Variants in SPINT2 observed in about 807,000 individuals in gnomAD.
The protein encoded by SPINT2 is serine peptidase inhibitor, Kunitz type 2.
SPINT2 carries 18 observed loss-of-function variants against 30.1 expected under a neutral mutation model. The observed-to-expected ratio is 0.60, with a 90% confidence interval of 0.41 to 0.89. SPINT2 has a LOEUF of 0.89. Among genes scored for constraint, SPINT2 ranks in the 40% least tolerant of loss-of-function variants. SPINT2 has a pLI of 0.00. For synonymous variants in SPINT2, 139 were observed against 137.9 expected, an observed-to-expected ratio of 1.01 and a Z score of -0.05; for missense variants, 276 against 334.3, an observed-to-expected ratio of 0.83 and a Z score of 1.36.
At chr19:38,277,579 G>C (rs544965647) in intron 1 of SPINT2, among the ~76,000 whole-genome samples, 2 of 152,282 alleles carry the variant, frequency 1.3e-5, no homozygotes, top group South Asian at 4.1e-4. Context: ...CTTCTTAGAA[G>C]GTGACAGCAG....
chr19:38,278,759 G>A (rs1968547323), intron 1 of SPINT2, among the ~76,000 whole-genome samples: 1 of 152,138 alleles, frequency 6.6e-6, no homozygotes, highest in African/African-American at 2.4e-5. Flanking sequence ...CTGTGATCAT[G>A]CCACTGTACT....
intron 1 of SPINT2, among the ~76,000 whole-genome samples, chr19:38,277,244 T>C (rs901258327): frequency 6.6e-6 from 1 of 151,526 alleles, no homozygotes; most frequent in Non-Finnish European, 1.5e-5. Context: ...CTCATCTGTT[T>C]TGTTTTTTTG....
At chr19:38,288,137 G>C (rs1968664972) in intron 3 of SPINT2, among the ~76,000 whole-genome samples, 1 of 152,156 alleles carries the variant, frequency 6.6e-6, no homozygotes, top group African/African-American at 2.4e-5. Flanking sequence ...AGCTGACACA[G>C]GGGCCGGGGA....
intron 1 of SPINT2, among the ~76,000 whole-genome samples, chr19:38,275,364 G>A (rs529746636): frequency 3.3e-5 from 5 of 151,980 alleles, no homozygotes; most frequent in Admixed American, 6.6e-5. Flanking sequence ...TTGCTCTGTC[G>A]CCCAGGCTAG....
chr19:38,276,229 T>C (rs1220406623), intron 1 of SPINT2, among the ~76,000 whole-genome samples: 1 of 152,092 alleles, frequency 6.6e-6, no homozygotes, highest in African/African-American at 2.4e-5. Flanking sequence ...AGGAGTGGCT[T>C]TGGGCTTTCC....
chr19:38,278,832 C>T (rs1041732813), intron 1 of SPINT2, among the ~76,000 whole-genome samples: 11 of 152,052 alleles, frequency 7.2e-5, no homozygotes, highest in African/African-American at 2.4e-4. Context: ...TTTTGCAGAA[C>T]AGTGAATGAG....
chr19:38,275,634 G>T (rs1481245615), intron 1 of SPINT2, among the ~76,000 whole-genome samples: 1 of 152,128 alleles, frequency 6.6e-6, no homozygotes, highest in Non-Finnish European at 1.5e-5. Flanking sequence ...TGTTGCCCAG[G>T]CTGGTCTTGA....
At chr19:38,272,914 G>T (rs1260000398) in intron 1 of SPINT2, among the ~76,000 whole-genome samples, 3 of 152,102 alleles carry the variant, frequency 2.0e-5, no homozygotes, top group African/African-American at 4.8e-5. Context: ...TAGAGACGGG[G>T]TTTCACCATG....
intron 1 of SPINT2, among the ~76,000 whole-genome samples, chr19:38,269,675 T>A (rs1181176629): frequency 6.7e-6 from 1 of 148,566 alleles, no homozygotes; most frequent in Non-Finnish European, 1.5e-5. Context: ...CAGTGGCGCG[T>A]TCTCGGCTCA....
intron 4 of SPINT2, chr19:38,289,406 G>T: frequency 2.4e-6 from 1 of 411,528 alleles, no homozygotes; most frequent in Non-Finnish European, 4.6e-6. Context: ...ATTGCTCAAA[G>T]CCTGGGAGGC....
chr19:38,269,050 A>G (rs1301650691), intron 1 of SPINT2, among the ~76,000 whole-genome samples: 1 of 152,048 alleles, frequency 6.6e-6, no homozygotes, highest in East Asian at 1.9e-4. Flanking sequence ...ACTTGTGTTA[A>G]TGGTTACTTG....
chr19:38,277,615 T>C (rs1457282070), intron 1 of SPINT2, among the ~76,000 whole-genome samples: 4 of 152,220 alleles, frequency 2.6e-5, no homozygotes, highest in African/African-American at 9.6e-5. Flanking sequence ...TGTAGATTGT[T>C]GTCTTAGTCA....
chr19:38,289,484 CAAAAAAAAAAAAA>C lies in SPINT2; in HGVS notation c.391+310_391+322del, dbSNP rs58140440. 6.4e-4 allele frequency: 23 copies of C among 36,082 alleles called. 1 individual carries two copies. Among genetic ancestry groups the C allele is most frequent in the East Asian group, 2.2e-3 (4 of 1,842 alleles). 2.2% of individuals were successfully genotyped at this position (36,082 alleles called of 1,614,324 possible). A position where few individuals can be genotyped will look rare whatever the true frequency, so the allele number is the denominator to read the frequency against. The stretch of plus-strand genomic sequence containing the variant: ...TGGGCAACAGAGTGAGACTCTGTCT[CAAAAAAAAAAAAA>C]AAAAAAAAAAAAAAAACTCCGAAGA... On this transcript the variant is annotated intron_variant, in intron 4 of 6. Coordinates refer to ENST00000301244, the MANE Select transcript of SPINT2 (RefSeq NM_021102.4).
Position 38,290,576 on chromosome 19 carries a change from G to A in SPINT2, c.592+1G>A. 1.2e-6 allele frequency: 2 copies of A among 1,613,974 alleles called. No individual in the cohort carries two copies. The highest frequency in any genetic ancestry group is 1.7e-6 in the Non-Finnish European group (2 of 1,179,956). On this transcript the variant is annotated splice_donor_variant, in intron 6 of 6. Coordinates refer to ENST00000301244, the MANE Select transcript of SPINT2 (RefSeq NM_021102.4). LOFTEE classifies it high-confidence loss of function. The surrounding 1 kb of genome is among the most constrained non-coding windows in gnomAD (Gnocchi z 4.3). The stretch of plus-strand genomic sequence containing the variant: ...CCTCCCCTGCCCCTTGGCTCAAAGG[G>A]TAAGTGGCCCCTTACCCTCCTCCTG...
intron 1 of SPINT2, among the ~76,000 whole-genome samples, chr19:38,273,002 G>A (rs372930179): frequency 9.4e-4 from 142 of 151,828 alleles, no homozygotes; most frequent in East Asian, 8.0e-3. Context: ...GGTTACAGGC[G>A]TGAGCCACCG....
rs1968711332 is a variant in SPINT2, at chr19:38,291,003, T to G, written c.592+428T>G. The stretch of plus-strand genomic sequence containing the variant: ...GGGAGGCCAGGCCTCTGGCCTGTGT[T>G]TCTGAGCTTGAGTTGCAGGTGATAA... On this transcript the variant is annotated intron_variant, in intron 6 of 6. Transcript: ENST00000301244. 6 of 249,870 alleles carry G rather than the reference T, an allele frequency of 2.4e-5. No homozygotes were observed. In the South Asian group the frequency reaches 3.1e-4, roughly 13 times the overall value. The allele number at this position is 249,870 out of a possible 1,614,324, so 15.5% of individuals were successfully genotyped here.
In SPINT2 at chr19:38,290,512, C is replaced by G; in HGVS notation, c.554-25C>G. On this transcript the variant is annotated intron_variant, in intron 5 of 6. Coordinates refer to ENST00000301244, the MANE Select transcript of SPINT2 (RefSeq NM_021102.4). The surrounding 1 kb of genome is among the most constrained non-coding windows in gnomAD (Gnocchi z 4.3). ...CTGTGGAATGGGGGCTGTGAGCTGA[C>G]CTCAGGCTGTGTGTTCTCTTCCAGG... 1 of 1,614,052 alleles carries G rather than the reference C, an allele frequency of 6.2e-7. No individual in the cohort carries two copies. Among genetic ancestry groups the G allele is most frequent in the Non-Finnish European group, 8.5e-7 (1 of 1,179,966 alleles).
intron 1 of SPINT2, among the ~76,000 whole-genome samples, chr19:38,277,359 C>T (rs181716719): frequency 1.5e-4 from 23 of 152,226 alleles, no homozygotes; most frequent in Admixed American, 6.5e-4. Context: ...ATCCTCCTAC[C>T]TTAGCCTCTC....
chr19:38,289,066 C>T (rs897989444), intron 3 of SPINT2, 72 bp from the exon 4 acceptor site: 7 of 1,453,284 alleles, frequency 4.8e-6, no homozygotes, highest in African/African-American at 1.4e-5. Context: ...TGGGCCCTTC[C>T]AGACCCAGAC....
Sources: gnomAD v4.1 joint callset for allele counts (sites outside exome capture counted in the v4.1 genomes callset) on GRCh38, gnomAD v4.1.1 for gene constraint, Gnocchi (gnomAD v3.1) non-coding constraint, MANE v1.5 for transcripts, NCBI Gene and HGNC (gene_info 2026-07-23, HGNC 2026-07-21) for gene names.